PDE1C: variants seen among roughly 807,000 people sequenced by gnomAD.
PDE1C encodes the protein phosphodiesterase 1C.
PDE1C carries 62 observed loss-of-function variants against 93.1 expected under a neutral mutation model. The observed-to-expected ratio is 0.67, with a 90% CI of 0.54 to 0.82. The LOEUF (loss-of-function observed/expected upper bound fraction) is 0.82. PDE1C is among the 40% of genes least tolerant of loss of function. The pLI is 0.00. For synonymous variants in PDE1C, 325 were observed against 310.1 expected, an observed-to-expected ratio of 1.05 and a Z score of -0.50; for missense variants, 742 against 884.6, an observed-to-expected ratio of 0.84 and a Z score of 2.04.
chr7:31,695,655 G>T, the PDE1C span: 3 of 1,568,176 alleles, frequency 1.9e-6, no homozygotes, highest in Admixed American at 6.0e-5. Context: ...AGCTGTAAAG[G>T]AGAGCCACTT....
At chr7:32,295,465 T>C (rs1812566583) in intron 1 of PDE1C, among the ~76,000 whole-genome samples, 1 of 152,228 alleles carries the variant, frequency 6.6e-6, no homozygotes, top group Non-Finnish European at 1.5e-5. Context: ...TTTTCAGAGC[T>C]GTCGAAACAT....
At chr7:31,650,182 A>T in the PDE1C span, among the ~76,000 whole-genome samples, 1 of 152,206 alleles carries the variant, frequency 6.6e-6, no homozygotes, top group Non-Finnish European at 1.5e-5. Flanking sequence ...TAAGAAATAC[A>T]TATTTACAAT....
the PDE1C span, chr7:31,652,445 C>A: frequency 1.3e-6 from 2 of 1,498,434 alleles, no homozygotes; most frequent in South Asian, 2.7e-5. Context: ...ATGCCTAGCT[C>A]ACAAGTTTGA....
downstream of PDE1C, among the ~76,000 whole-genome samples, chr7:31,749,895 A>T (rs2128590592): frequency 6.6e-6 from 1 of 151,694 alleles, no homozygotes; most frequent in East Asian, 2.0e-4. Flanking sequence ...GTGCCACCAC[A>T]CCCAGCTATT....
chr7:32,337,729 G>GA lies in PDE1C; in HGVS notation c.310+90092_310+90093insT, dbSNP rs1554308346. Among the ~76,000 whole-genome samples, 6 of 40,204 alleles carry GA rather than the reference G, an allele frequency of 1.5e-4. No homozygotes were observed. The South Asian group carries it at 4.4e-3, about 29-fold the overall frequency. 26.4% of individuals were successfully genotyped at this position (40,204 alleles called of 152,430 possible). Reference sequence around the variant, plus strand: ...AGAGGAGAGGAGAAAAGGGAAAGGAGGGGGGAGAAGAAAGACAAGTACTGA... The same window carrying GA: ...AGAGGAGAGGAGAAAAGGGAAAGGAGAGGGGGAGAAGAAAGACAAGTACTGA... On this transcript the variant is annotated intron_variant, in intron 1 of 1. Transcript: ENST00000672256.
At chr7:31,731,088 A>G in the PDE1C span, among the ~76,000 whole-genome samples, 1 of 152,004 alleles carries the variant, frequency 6.6e-6, no homozygotes, top group Non-Finnish European at 1.5e-5. Flanking sequence ...TGCCCCATCA[A>G]GAAGAGACTT....
chr7:31,714,799 T>C, the PDE1C span, among the ~76,000 whole-genome samples: 2 of 152,168 alleles, frequency 1.3e-5, no homozygotes, highest in African/African-American at 4.8e-5. Context: ...GGGAAAGACC[T>C]GTCCCCATGA....
intron 2 of PDE1C, among the ~76,000 whole-genome samples, chr7:31,974,312 T>A (rs112661767): frequency 0.016 from 2,510 of 152,212 alleles, 71 homozygotes; most frequent in African/African-American, 0.057. Context: ...TACAAAAAAA[T>A]TAGCTACATG....
At chr7:32,320,622 T>TACACAC (rs58913478) in intron 1 of PDE1C, among the ~76,000 whole-genome samples, 78 of 149,656 alleles carry the variant, frequency 5.2e-4, no homozygotes, top group South Asian at 3.2e-3. Flanking sequence ...GGCACACACA[T>TACACAC]ACACACACAC....
intron 2 of PDE1C, among the ~76,000 whole-genome samples, chr7:31,891,102 T>C (rs1345281032): frequency 6.6e-6 from 1 of 152,190 alleles, no homozygotes; most frequent in East Asian, 1.9e-4. Flanking sequence ...TCCCACCTTG[T>C]GGCTCCTCTA....
chr7:32,014,540 G>T (rs753360960), intron 2 of PDE1C, among the ~76,000 whole-genome samples: 1 of 152,052 alleles, frequency 6.6e-6, no homozygotes, highest in Non-Finnish European at 1.5e-5. Context: ...GTGCCATGGT[G>T]GTTTGCCGCA....
intron 2 of PDE1C, among the ~76,000 whole-genome samples, chr7:32,181,914 A>G (rs1178531418): frequency 6.6e-5 from 10 of 152,186 alleles, no homozygotes; most frequent in Non-Finnish European, 1.5e-4. Context: ...AAGACTAATA[A>G]AGAAGAAAAG....
intron 3 of PDE1C, among the ~76,000 whole-genome samples, chr7:32,150,990 AG>A (rs1801216183): frequency 6.6e-6 from 1 of 152,204 alleles, no homozygotes; most frequent in South Asian, 2.1e-4. Context: ...ATTCAAACCT[AG>A]GTCTCTGGGG....
the PDE1C span, among the ~76,000 whole-genome samples, chr7:31,621,357 GAA>G: frequency 1.5e-3 from 1 of 666 alleles, no homozygotes; most frequent in African/African-American, 6.9e-3. Context: ...CAGCCAGAGA[GAA>G]AGGTCGGGTT....
At chr7:31,653,401 G>A in the PDE1C span, 5 of 153,364 alleles carry the variant, frequency 3.3e-5, no homozygotes, top group African/African-American at 1.2e-4. Context: ...CACTTTTACA[G>A]AAGGTAAAAT....
intron 2 of PDE1C, among the ~76,000 whole-genome samples, chr7:32,019,681 G>T (rs1261496727): frequency 2.0e-5 from 3 of 151,992 alleles, no homozygotes; most frequent in Non-Finnish European, 4.4e-5. Context: ...GAGGCAGCTA[G>T]ATTCAAGAAC....
At chr7:31,777,138 T>C (rs1380014130) in intron 16 of PDE1C, among the ~76,000 whole-genome samples, 1 of 147,612 alleles carries the variant, frequency 6.8e-6, no homozygotes, top group East Asian at 2.1e-4. Context: ...ACTTAAAGTA[T>C]AATAAAAAAA....
chr7:32,023,341 G>A (rs1207183957), intron 2 of PDE1C, among the ~76,000 whole-genome samples: 2 of 152,058 alleles, frequency 1.3e-5, no homozygotes, highest in South Asian at 4.1e-4. Flanking sequence ...CTGTTACTAA[G>A]TTCTAATTGG....
chr7:32,166,248 C>T lies in PDE1C; in HGVS notation c.308+3537G>A, dbSNP rs1378449443. ...AGAGGTTTGAAGAAATGAAGTAATT[C>T]GCCGGGGGCAATAGAGTTGGAACTG... is the stretch of plus-strand genomic sequence containing the variant. On this transcript the variant is annotated intron_variant, in intron 3 of 18. Coordinates refer to the PDE1C transcript ENST00000396193. 3.3e-5 allele frequency among the ~76,000 whole-genome samples: 5 copies of T among 152,142 alleles called. No individual in the cohort carries two copies. The East Asian group carries it at 5.8e-4, about 18-fold the overall frequency.
Sources: allele counts gnomAD v4.1 joint callset (sites outside exome capture counted in the v4.1 genomes callset), GRCh38; gene constraint gnomAD v4.1.1; transcripts MANE v1.5; gene names NCBI Gene and HGNC (gene_info 2026-07-23, HGNC 2026-07-21).